The following COP1 variants were observed in gnomAD, a reference collection of about 807,000 sequenced individuals.
COP1 encodes E3 ubiquitin-protein ligase COP1.
In COP1, 24 loss-of-function variants were observed where a neutral mutation model predicts 101.3. The ratio of observed to expected loss-of-function variants is 0.24; its 90% CI spans 0.17 to 0.33. The LOEUF is 0.33. Ranked by LOEUF, COP1 falls within the 10% of genes least tolerant of loss-of-function variation. The probability of loss-of-function intolerance (pLI) is 1.00; values close to 1 mark genes in which losing one functional copy is unlikely to be tolerated. For missense variants in COP1, 663 were observed against 906.2 expected (o/e 0.73, Z 3.45); for synonymous variants, 347 against 341.9 (o/e 1.01, Z -0.17).
At position 176,060,388 on chromosome 1, in the gene COP1, G is replaced by A. The variant is rs556698338; in HGVS notation, c.1278-14064C>T. ...TTCATTCAGAACAACATCTAGTAGA[G>A]AAAATAACAAGAGCTGAAAAAGAAA... On this transcript the variant is annotated intron_variant, in intron 11 of 19. Transcript: ENST00000367669. Among the ~76,000 whole-genome samples the A allele has an allele frequency of 8.2e-4, 124 of 152,144 alleles. 1 individual carries two copies. Among genetic ancestry groups the A allele is most frequent in the African/African-American group, 2.8e-3 (115 of 41,516 alleles).
chr1:176,206,571 C>A lies in COP1; in HGVS notation c.407+1G>T. On this transcript the variant is annotated splice_donor_variant, in intron 1 of 19. Coordinates refer to ENST00000367669, the MANE Select transcript of COP1 (RefSeq NM_022457.7). LOFTEE classifies it high-confidence loss of function. ...AAGGAGGGAGTGCTCTTCAAACCCA[C>A]CATACGAAGTCGTTGCTTTTGTCCT... 6.2e-7 allele frequency: 1 copy of A among 1,608,162 alleles called. No homozygotes were observed.
chr1:175,972,461 A>AT (rs35491036), intron 18 of COP1, among the ~76,000 whole-genome samples: 5,023 of 129,968 alleles, frequency 0.039, 235 homozygotes, highest in African/African-American at 0.1. Context: ...AAATACAAGA[A>AT]TTTTTTTTTT....
At chr1:176,194,513 C>T (rs901597366) in intron 1 of COP1, among the ~76,000 whole-genome samples, 1 of 152,136 alleles carries the variant, frequency 6.6e-6, no homozygotes, top group Non-Finnish European at 1.5e-5. Context: ...TGGCATGAGC[C>T]TATAATCCCA....
At chr1:176,181,137 T>C (rs554525503) in intron 2 of COP1, among the ~76,000 whole-genome samples, 12 of 152,214 alleles carry the variant, frequency 7.9e-5, no homozygotes, top group African/African-American at 2.6e-4. Context: ...GGTTCTCAAG[T>C]GGGAATAAAT....
chr1:175,968,147 G>T (rs991364411), intron 18 of COP1, among the ~76,000 whole-genome samples: 2 of 152,226 alleles, frequency 1.3e-5, no homozygotes, highest in Non-Finnish European at 2.9e-5. Context: ...TGGGATTACA[G>T]GTGTGAGCCA....
At chr1:176,107,971 A>G (rs528495556) in intron 9 of COP1, among the ~76,000 whole-genome samples, 1 of 152,274 alleles carries the variant, frequency 6.6e-6, no homozygotes, top group Non-Finnish European at 1.5e-5. Flanking sequence ...ACCAATTTAG[A>G]GGAGATTAAA....
Position 176,074,490 on chromosome 1 carries a change from G to GA in COP1, c.1277+6661dup, listed in dbSNP as rs930390487. Among the ~76,000 whole-genome samples, 249 of 151,520 alleles carry GA rather than the reference G, an allele frequency of 1.6e-3. 1 individual carries two copies. The highest frequency in any genetic ancestry group is 3.4e-3 in the Middle Eastern group (1 of 294). On this transcript the variant is annotated intron_variant, in intron 11 of 19. Coordinates refer to ENST00000367669, the MANE Select transcript of COP1 (RefSeq NM_022457.7). ...AAACATTAATTTGGTGTAATTAATAGAAAAAAAACGAATGTAGCATGCAAG... is the reference window on the plus strand; with the variant it reads ...AAACATTAATTTGGTGTAATTAATAGAAAAAAAAACGAATGTAGCATGCAAG...
chr1:175,968,413 A>T (rs1449706260), intron 18 of COP1: 1 of 517,002 alleles, frequency 1.9e-6, no homozygotes, highest in Non-Finnish European at 3.9e-6. Context: ...ACGGAGGGGA[A>T]CGATCAGACT....
intron 15 of COP1, among the ~76,000 whole-genome samples, chr1:176,010,679 A>T (rs1664501908): frequency 6.6e-6 from 1 of 152,212 alleles, no homozygotes; most frequent in Non-Finnish European, 1.5e-5. Flanking sequence ...TGGCCTTTTC[A>T]GTATAAAGGG....
intron 9 of COP1, among the ~76,000 whole-genome samples, chr1:176,089,205 A>T (rs533545152): frequency 2.0e-5 from 3 of 151,992 alleles, no homozygotes; most frequent in African/African-American, 7.2e-5. Context: ...GGGCAGGAGA[A>T]TCACTTGAAC....
At chr1:176,135,312 TTGTTTACTAAATATTGTTCA>T (rs1180537744) in intron 7 of COP1, among the ~76,000 whole-genome samples, 1 of 151,896 alleles carries the variant, frequency 6.6e-6, no homozygotes, top group African/African-American at 2.4e-5. Context: ...GAACTATAAA[TTGTTTACTAAATATTGTTCA>T]TCATTAATGA....
intron 18 of COP1, among the ~76,000 whole-genome samples, chr1:175,957,711 G>C (rs1650849801): frequency 6.6e-6 from 1 of 152,132 alleles, no homozygotes; most frequent in Admixed American, 6.5e-5. Flanking sequence ...ATGGTATATA[G>C]TCACATAAAC....
chr1:176,134,349 G>C (rs1417529423), intron 8 of COP1, among the ~76,000 whole-genome samples: 1 of 151,908 alleles, frequency 6.6e-6, no homozygotes, highest in African/African-American at 2.4e-5. Flanking sequence ...CAAAACTCAA[G>C]ATTCAGATAG....
chr1:175,989,424 G>A lies in COP1; in HGVS notation c.1785C>T (p.Phe595=), dbSNP rs373279693. Residue 595 remains phenylalanine, a synonymous_variant, in exon 16 of 20, where the codon TTC becomes TTT. Coordinates refer to ENST00000367669, the MANE Select transcript of COP1 (RefSeq NM_022457.7). Reference sequence around the variant, plus strand: ...AAGAGACTGCTTTACGGTGTCCTTTGAATACCATGATTGGCTGTTTAGTGT... The same window carrying A: ...AAGAGACTGCTTTACGGTGTCCTTTAAATACCATGATTGGCTGTTTAGTGT... ...LRNTKQPIMV[F]KGHRKAVSYA... The A allele has an allele frequency of 5.0e-6, 8 of 1,610,608 alleles. No individual in the cohort carries two copies. Among genetic ancestry groups the A allele is most frequent in the East Asian group, 2.2e-5 (1 of 44,792 alleles).
At chr1:175,990,095 T>C (rs1179015669) in intron 15 of COP1, among the ~76,000 whole-genome samples, 2 of 152,030 alleles carry the variant, frequency 1.3e-5, no homozygotes, top group Admixed American at 6.5e-5. Flanking sequence ...GGATACACAA[T>C]TCTCTATCAA....
chr1:176,178,609 T>C (rs1169300180), intron 2 of COP1, among the ~76,000 whole-genome samples: 2 of 152,122 alleles, frequency 1.3e-5, no homozygotes, highest in African/African-American at 4.8e-5. Flanking sequence ...TCCAGCACTA[T>C]GGGAGGCCAA....
intron 1 of COP1, among the ~76,000 whole-genome samples, chr1:176,203,619 T>C (rs1331019133): frequency 6.6e-6 from 1 of 152,198 alleles, no homozygotes; most frequent in African/African-American, 2.4e-5. Flanking sequence ...CCTCTGAATG[T>C]TGAAAATGTA....
At position 176,002,418 on chromosome 1, in the gene COP1, A is replaced by G. The variant is rs138536494; in HGVS notation, c.1730-12939T>C. Among the ~76,000 whole-genome samples, 1,499 of 151,996 alleles carry G rather than the reference A, an allele frequency of 9.9e-3. 19 individuals carry two copies. The highest frequency in any genetic ancestry group is 0.034 in the African/African-American group (1,395 of 41,434). On this transcript the variant is annotated intron_variant, in intron 15 of 19. Coordinates refer to ENST00000367669, the MANE Select transcript of COP1 (RefSeq NM_022457.7). ...TGTGCACATAGTGCAGGTTAGTTAC[A>G]TATGTATACATGTGCCATGCTGGTG...
intron 11 of COP1, among the ~76,000 whole-genome samples, chr1:176,061,113 T>C (rs1674758033): frequency 6.6e-6 from 1 of 152,160 alleles, no homozygotes; most frequent in Admixed American, 6.5e-5. Context: ...AGAGGAGACA[T>C]ACAGATCAAT....
Sources: allele counts gnomAD v4.1 joint callset (sites outside exome capture counted in the v4.1 genomes callset), GRCh38; gene constraint gnomAD v4.1.1; transcripts MANE v1.5; gene names NCBI Gene and HGNC (gene_info 2026-07-23, HGNC 2026-07-21).